Variants in CLIP4 observed in about 807,000 individuals in gnomAD.
The protein encoded by CLIP4 is CAP-Gly domain-containing linker protein 4.
In CLIP4, 47 loss-of-function variants were observed where a neutral mutation model predicts 73.1. The observed-to-expected ratio is 0.64, with a 90% confidence interval of 0.51 to 0.82. CLIP4 has a LOEUF of 0.82. Among genes scored for constraint, CLIP4 ranks in the 40% least tolerant of loss-of-function variants. The pLI, the probability that CLIP4 is intolerant of heterozygous loss-of-function variation, is 0.00. For synonymous variants in CLIP4, 306 were observed against 295.4 expected (o/e 1.04, Z -0.37); for missense variants, 874 against 852.9 (o/e 1.02, Z -0.31).
At chr2:29,170,551 G>A (rs1251777438) in intron 14 of CLIP4, among the ~76,000 whole-genome samples, 1 of 152,202 alleles carries the variant, frequency 6.6e-6, no homozygotes, top group South Asian at 2.1e-4. Flanking sequence ...TCTGTGACTT[G>A]TCTTTTCATT....
chr2:29,102,767 C>T lies in CLIP4; in HGVS notation c.-16+4820C>T, dbSNP rs111864621. Among the ~76,000 whole-genome samples the T allele has an allele frequency of 9.8e-3, 1,489 of 151,990 alleles. 26 individuals are homozygous for T. The highest frequency in any genetic ancestry group is 0.034 in the African/African-American group (1,417 of 41,450). ...TAGCCTCCTGAGTAGCTGGGATTAC[C>T]GGTGCCCACCACCACGCCCAGCTAA... On this transcript the variant is annotated intron_variant, in intron 1 of 14. Transcript: ENST00000401605.
At chr2:29,138,376 G>A (rs1665522298) in intron 6 of CLIP4, among the ~76,000 whole-genome samples, 1 of 151,692 alleles carries the variant, frequency 6.6e-6, no homozygotes, top group Non-Finnish European at 1.5e-5. Context: ...ATTTTTTTTA[G>A]CAATATCATG....
rs778496677 is a variant in CLIP4, at chr2:29,143,898, T to C, written c.838T>C (p.Ser280Pro). Residue 280 changes from serine (S) to proline (P), a missense_variant, in exon 7 of 16, where the codon TCA becomes CCA. Physicochemically the swap from Ser to Pro is moderately conservative, Grantham distance 74 (BLOSUM62 -1). Coordinates refer to ENST00000320081, the MANE Select transcript of CLIP4 (RefSeq NM_024692.6). Reference protein sequence around the residue: ...DHVTGKAMLTSLGLKLGDRVV... With the variant: ...DHVTGKAMLTPLGLKLGDRVV... Reference sequence around the variant, plus strand: ...TGTCACTGGCAAGGCAATGCTTACGTCACTTGGCCTGAAGTTGGGGGATCG... The same window carrying C: ...TGTCACTGGCAAGGCAATGCTTACGCCACTTGGCCTGAAGTTGGGGGATCG... 2.5e-6 allele frequency: 4 copies of C among 1,614,046 alleles called. No homozygotes were observed. Among genetic ancestry groups the C allele is most frequent in the Non-Finnish European group, 3.4e-6 (4 of 1,180,016 alleles).
In CLIP4 at chr2:29,133,707, A is replaced by G; in HGVS notation, c.420A>G (p.Ala140=). ...CAACTCAGCTTATTGACCTGGGAGC[A>G]GACATTAGTTTGCGGAGTCGCTGGA... ...KFATQLIDLG[A]DISLRSRWTN... is the part of the protein sequence containing the mutation. Residue 140 remains alanine, a synonymous_variant, in exon 5 of 16, where the codon GCA becomes GCG. Coordinates refer to ENST00000320081, the MANE Select transcript of CLIP4 (RefSeq NM_024692.6). 1 of 1,613,758 alleles carries G rather than the reference A, an allele frequency of 6.2e-7. No homozygotes were observed. The highest frequency in any genetic ancestry group is 8.5e-7 in the Non-Finnish European group (1 of 1,179,844).
At chr2:29,134,823 C>T (rs902264696) in intron 5 of CLIP4, among the ~76,000 whole-genome samples, 1 of 152,098 alleles carries the variant, frequency 6.6e-6, no homozygotes, top group African/African-American at 2.4e-5. Context: ...CTTAGAGTTG[C>T]AAGATTACTT....
chr2:29,136,721 G>C (rs1034346938), intron 6 of CLIP4, among the ~76,000 whole-genome samples: 1 of 152,094 alleles, frequency 6.6e-6, no homozygotes, highest in Non-Finnish European at 1.5e-5. Context: ...GGTGAGGAAA[G>C]CATCTTAGGC....
Position 29,129,317 on chromosome 2 carries a change from C to A in CLIP4, c.134-1941C>A, listed in dbSNP as rs2148481707. On this transcript the variant is annotated intron_variant, in intron 2 of 15. Coordinates refer to ENST00000320081, the MANE Select transcript of CLIP4 (RefSeq NM_024692.6). ...ATGTTTTTGTTTATTGAAAATTACC[C>A]AAGTCACATGAACTTGAAAAGCATT... Among the ~76,000 whole-genome samples the A allele has an allele frequency of 2.0e-5, 3 of 152,172 alleles. No individual in the cohort carries two copies. In the Middle Eastern group the frequency reaches 0.01, roughly 521 times the overall value.
chr2:29,131,968 G>C (rs965210842), intron 3 of CLIP4, 184 bp from the exon 4 acceptor site: 3 of 481,132 alleles, frequency 6.2e-6, no homozygotes, highest in Non-Finnish European at 1.1e-5. Flanking sequence ...GACAAGTTCA[G>C]TTTTCATTAT....
chr2:29,143,104 A>G (rs547311284), intron 6 of CLIP4, among the ~76,000 whole-genome samples: 1 of 152,376 alleles, frequency 6.6e-6, no homozygotes, highest in African/African-American at 2.4e-5. Flanking sequence ...CACAGAGCCA[A>G]GAGGGCAGCT....
chr2:29,161,287 T>C (rs946723461), intron 12 of CLIP4, among the ~76,000 whole-genome samples: 3 of 152,198 alleles, frequency 2.0e-5, no homozygotes, highest in African/African-American at 7.2e-5. Context: ...TTGCTTTCTT[T>C]TGTGTTGTCA....
chr2:29,176,615 T>A (rs1291286913), intron 15 of CLIP4, among the ~76,000 whole-genome samples: 1 of 152,160 alleles, frequency 6.6e-6, no homozygotes, highest in East Asian at 1.9e-4. Context: ...GAACACTGTA[T>A]GTCCAGTGCC....
At chr2:29,157,473 T>G in intron 11 of CLIP4, 126 bp downstream of exon 11, 1 of 1,474,236 alleles carries the variant, frequency 6.8e-7, no homozygotes. Context: ...CTACTTTTAC[T>G]CTTCCCCACC....
upstream of CLIP4, chr2:29,114,006 T>A (rs928819177): frequency 9.2e-5 from 14 of 152,220 alleles, no homozygotes; most frequent in African/African-American, 3.4e-4. Flanking sequence ...ACATTATCTC[T>A]GAGAGCACTC....
chr2:29,165,876 T>A (rs976461302), intron 13 of CLIP4, among the ~76,000 whole-genome samples: 2 of 152,200 alleles, frequency 1.3e-5, no homozygotes. Context: ...CTTTTCCTTC[T>A]TGCTTTGTTT....
intron 1 of CLIP4, among the ~76,000 whole-genome samples, chr2:29,098,294 T>A (rs1478895085): frequency 6.6e-6 from 1 of 152,220 alleles, no homozygotes; most frequent in Non-Finnish European, 1.5e-5. Context: ...CACTTTTGTG[T>A]TTTACATTCG....
chr2:29,118,550 CTCT>C (rs1468555904), intron 1 of CLIP4, among the ~76,000 whole-genome samples: 1 of 147,812 alleles, frequency 6.8e-6, no homozygotes, highest in East Asian at 2.0e-4. Context: ...TGGAGTTTCG[CTCT>C]TCTTGCCCAG....
At chr2:29,135,020 A>G (rs1665248653) in intron 5 of CLIP4, among the ~76,000 whole-genome samples, 1 of 152,076 alleles carries the variant, frequency 6.6e-6, no homozygotes, top group African/African-American at 2.4e-5. Flanking sequence ...TTTGGACCAT[A>G]TGGTCTCTGA....
intron 2 of CLIP4, among the ~76,000 whole-genome samples, chr2:29,125,733 C>T (rs183082123): frequency 3.3e-3 from 504 of 152,314 alleles, no homozygotes; most frequent in Non-Finnish European, 3.9e-3. Context: ...CATTGTCTAA[C>T]ATCCCGTGTC....
intron 1 of CLIP4, among the ~76,000 whole-genome samples, chr2:29,106,286 C>T (rs1027797778): frequency 2.0e-5 from 3 of 152,192 alleles, no homozygotes; most frequent in Non-Finnish European, 2.9e-5. Flanking sequence ...AATGCTAGCT[C>T]CTTATTTCCA....
Sources: allele counts gnomAD v4.1 joint callset (sites outside exome capture counted in the v4.1 genomes callset), GRCh38; gene constraint gnomAD v4.1.1; transcripts MANE v1.5; gene names NCBI Gene and HGNC (gene_info 2026-07-23, HGNC 2026-07-21).